The following CCSER1 variants were observed in gnomAD, a reference collection of about 807,000 sequenced individuals.
CCSER1 encodes the protein coiled-coil serine rich protein 1, also known as serine-rich coiled-coil domain-containing protein 1.
In CCSER1, 41 loss-of-function variants were observed where a neutral mutation model predicts 82.0. That is an observed-to-expected ratio of 0.50 (90% confidence interval 0.39 to 0.65). CCSER1 has a LOEUF of 0.65. Among genes scored for constraint, CCSER1 ranks in the 30% least tolerant of loss-of-function variants. CCSER1 has a pLI of 0.00. For synonymous variants in CCSER1, 414 were observed against 383.9 expected (o/e 1.08, Z -0.92); for missense variants, 1,119 against 1,064.2 (o/e 1.05, Z -0.72).
intron 4 of CCSER1, among the ~76,000 whole-genome samples, chr4:90,409,169 G>C (rs1052369450): frequency 6.6e-6 from 1 of 152,218 alleles, no homozygotes; most frequent in African/African-American, 2.4e-5. Flanking sequence ...GTACCTGAAA[G>C]TGACAGGGAG....
intron 6 of CCSER1, chr4:90,641,834 C>A: frequency 5.0e-6 from 1 of 201,520 alleles, no homozygotes; most frequent in South Asian, 7.0e-5. Flanking sequence ...ATAATGCCAC[C>A]TTCATTGTAC....
At chr4:90,381,619 G>A (rs1307150521) in intron 3 of CCSER1, among the ~76,000 whole-genome samples, 1 of 151,998 alleles carries the variant, frequency 6.6e-6, no homozygotes, top group Non-Finnish European at 1.5e-5. Context: ...TAATGATCCT[G>A]TTGCTGTAAA....
chr4:90,484,124 C>T (rs952650380), intron 5 of CCSER1, among the ~76,000 whole-genome samples: 2 of 152,128 alleles, frequency 1.3e-5, no homozygotes, highest in African/African-American at 4.8e-5. Context: ...TCATTCATTT[C>T]ATCTTCCATC....
chr4:91,459,771 T>G (rs555716292), intron 10 of CCSER1, among the ~76,000 whole-genome samples: 39 of 152,320 alleles, frequency 2.6e-4, no homozygotes, highest in South Asian at 4.1e-4. Flanking sequence ...CTTCAAGGAC[T>G]ACTCTTTCCT....
chr4:90,912,754 A>G (rs1445665734), intron 8 of CCSER1, among the ~76,000 whole-genome samples: 2 of 152,170 alleles, frequency 1.3e-5, no homozygotes, highest in Non-Finnish European at 2.9e-5. Flanking sequence ...AGATTAGACG[A>G]ATGGCTAACT....
chr4:90,541,747 A>G (rs1407064999), intron 5 of CCSER1, among the ~76,000 whole-genome samples: 1 of 152,064 alleles, frequency 6.6e-6, no homozygotes, highest in Non-Finnish European at 1.5e-5. Flanking sequence ...TTATTTATAA[A>G]TGTTATGATG....
At chr4:90,605,592 G>A (rs1784600611) in intron 5 of CCSER1, among the ~76,000 whole-genome samples, 1 of 152,170 alleles carries the variant, frequency 6.6e-6, no homozygotes, top group African/African-American at 2.4e-5. Flanking sequence ...TTATCCAGTA[G>A]TACTCCAACA....
chr4:90,200,420 A>T (rs1327954983), intron 1 of CCSER1, among the ~76,000 whole-genome samples: 2 of 152,146 alleles, frequency 1.3e-5, no homozygotes, highest in South Asian at 4.1e-4. Flanking sequence ...CCTGCAAGAG[A>T]TATTTTTCCT....
At chr4:91,574,229 CAAA>C (rs531517426) in intron 10 of CCSER1, among the ~76,000 whole-genome samples, 3 of 141,224 alleles carry the variant, frequency 2.1e-5, no homozygotes, top group African/African-American at 8.1e-5. Context: ...ATTAAAAAGT[CAAA>C]AAACAGATGC....
At chr4:90,350,889 G>C (rs1032626807) in intron 3 of CCSER1, among the ~76,000 whole-genome samples, 1 of 151,896 alleles carries the variant, frequency 6.6e-6, no homozygotes, top group Non-Finnish European at 1.5e-5. Context: ...AAATATCAAT[G>C]GTTTTTAAAA....
intron 10 of CCSER1, among the ~76,000 whole-genome samples, chr4:91,494,500 T>A (rs1208987922): frequency 6.6e-6 from 1 of 151,826 alleles, no homozygotes; most frequent in Non-Finnish European, 1.5e-5. Context: ...ATATGAGGAC[T>A]AGTAATTACC....
chr4:91,250,995 T>C (rs113389874), intron 10 of CCSER1, among the ~76,000 whole-genome samples: 2,792 of 152,226 alleles, frequency 0.018, 88 homozygotes, highest in African/African-American at 0.061. Flanking sequence ...ATGCTGAGCA[T>C]TTTACACATA....
chr4:91,056,640 C>T (rs1743472655), intron 9 of CCSER1, among the ~76,000 whole-genome samples: 1 of 152,162 alleles, frequency 6.6e-6, no homozygotes, highest in Admixed American at 6.6e-5. Context: ...ACATTCAGAT[C>T]ATAGCATAAG....
chr4:90,253,167 C>T (rs752162593), intron 1 of CCSER1, among the ~76,000 whole-genome samples: 1 of 151,894 alleles, frequency 6.6e-6, no homozygotes, highest in Non-Finnish European at 1.5e-5. Flanking sequence ...TTCTATATGT[C>T]ATAGGCCCAA....
At chr4:91,384,979 A>G (rs368457308) in intron 10 of CCSER1, among the ~76,000 whole-genome samples, 24 of 152,202 alleles carry the variant, frequency 1.6e-4, no homozygotes, top group African/African-American at 5.5e-4. Flanking sequence ...CATGCATTGC[A>G]TCTGGGAATG....
rs535120132 is a variant in CCSER1, at chr4:90,572,226, G to T, written c.1725-55799G>T. The stretch of plus-strand genomic sequence containing the variant: ...GTTTCAGCTAAGAAGTGTGCTGCTT[G>T]TAGTATTGGAACTCCCTTATATGTT... On this transcript the variant is annotated intron_variant, in intron 5 of 10. Transcript: ENST00000509176. Among the ~76,000 whole-genome samples, 5 of 152,228 alleles carry T rather than the reference G, an allele frequency of 3.3e-5. No individual in the cohort carries two copies. In the East Asian group the frequency reaches 9.7e-4, roughly 29 times the overall value.
At chr4:90,417,022 G>A (rs186839507) in intron 4 of CCSER1, among the ~76,000 whole-genome samples, 4 of 152,196 alleles carry the variant, frequency 2.6e-5, no homozygotes, top group Admixed American at 2.6e-4. Flanking sequence ...CACACGCAGG[G>A]GAACATCACA....
intron 10 of CCSER1, among the ~76,000 whole-genome samples, chr4:91,355,765 C>T (rs918172098): frequency 2.0e-5 from 3 of 152,078 alleles, no homozygotes; most frequent in African/African-American, 4.8e-5. Context: ...CAGGGGCTGG[C>T]GAAGCTGCTC....
At position 90,768,722 on chromosome 4, in the gene CCSER1, C is replaced by A. The variant is rs118152208; in HGVS notation, c.2010+44731C>A. On this transcript the variant is annotated intron_variant, in intron 7 of 10. Coordinates refer to ENST00000509176, the MANE Select transcript of CCSER1 (RefSeq NM_001145065.2). ...TATATAGTATCAGAAAGTTTAACAACAACATTGATTAAAGTAAGGCAGAAA... is the reference window on the plus strand; with the variant it reads ...TATATAGTATCAGAAAGTTTAACAAAAACATTGATTAAAGTAAGGCAGAAA... 1.5e-3 allele frequency among the ~76,000 whole-genome samples: 234 copies of A among 152,194 alleles called. 1 individual carries two copies. In the East Asian group the frequency reaches 0.019, roughly 13 times the overall value.
Sources: gnomAD v4.1 joint callset for allele counts (sites outside exome capture counted in the v4.1 genomes callset) on GRCh38, gnomAD v4.1.1 for gene constraint, MANE v1.5 for transcripts, NCBI Gene and HGNC (gene_info 2026-07-23, HGNC 2026-07-21) for gene names.